The following THSD7A variants were observed in gnomAD, a reference collection of about 807,000 sequenced individuals.
The protein encoded by THSD7A is thrombospondin type-1 domain-containing protein 7A.
A neutral mutation model predicts 231.3 loss-of-function variants in THSD7A; 96 were observed. The observed-to-expected ratio is 0.41, with a 90% CI of 0.35 to 0.49. The LOEUF (loss-of-function observed/expected upper bound fraction) is 0.49. Among genes scored for constraint, THSD7A ranks in the 20% least tolerant of loss-of-function variants. The pLI is 0.05. For synonymous variants in THSD7A, 940 were observed against 743.3 expected (o/e 1.26, Z -4.30); for missense variants, 2,290 against 2,070.2 (o/e 1.11, Z -2.06).
intron 23 of THSD7A, among the ~76,000 whole-genome samples, chr7:11,399,941 G>GA (rs747706170): frequency 9.7e-4 from 147 of 152,200 alleles, no homozygotes; most frequent in Non-Finnish European, 1.8e-3. Flanking sequence ...ACTGGATTAA[G>GA]AAAATGTGGC....
intron 4 of THSD7A, among the ~76,000 whole-genome samples, chr7:11,547,785 G>T (rs1236980188): frequency 8.5e-5 from 13 of 152,118 alleles, no homozygotes. Context: ...ATGAGATTTA[G>T]GCACAAATAA....
chr7:11,475,938 T>C (rs1583813263), intron 7 of THSD7A, among the ~76,000 whole-genome samples: 1 of 143,844 alleles, frequency 7.0e-6, no homozygotes, highest in East Asian at 2.0e-4. Flanking sequence ...TACTTTCCTT[T>C]TTTTTTTTTT....
chr7:11,631,905 A>C (rs556874101), intron 2 of THSD7A, among the ~76,000 whole-genome samples: 1 of 152,160 alleles, frequency 6.6e-6, no homozygotes, highest in African/African-American at 2.4e-5. Flanking sequence ...TTTAACACTC[A>C]TAAGAGTTAG....
At chr7:11,442,294 TAAAA>T (rs369760494) in intron 13 of THSD7A, among the ~76,000 whole-genome samples, 1 of 151,626 alleles carries the variant, frequency 6.6e-6, no homozygotes, top group Non-Finnish European at 1.5e-5. Flanking sequence ...TTAAGAAACT[TAAAA>T]AAAAGTGACC....
At chr7:11,820,715 T>C in intron 1 of THSD7A, 2 of 1,001,588 alleles carry the variant, frequency 2.0e-6, no homozygotes, top group Non-Finnish European at 1.6e-6. Context: ...CGTGGAGCTC[T>C]CCTCTCTTTT....
At chr7:11,739,827 T>G (rs951027769) in intron 1 of THSD7A, among the ~76,000 whole-genome samples, 3 of 151,902 alleles carry the variant, frequency 2.0e-5, no homozygotes, top group African/African-American at 7.2e-5. Context: ...GACCAAAGCT[T>G]ATGTGCTTCT....
At chr7:11,477,088 A>G (rs1181415031) in intron 7 of THSD7A, among the ~76,000 whole-genome samples, 2 of 152,180 alleles carry the variant, frequency 1.3e-5, no homozygotes, top group Non-Finnish European at 2.9e-5. Flanking sequence ...AGTTATGACC[A>G]TTGAATCCTC....
At chr7:11,467,098 A>G (rs541454315) in intron 9 of THSD7A, among the ~76,000 whole-genome samples, 1 of 152,188 alleles carries the variant, frequency 6.6e-6, no homozygotes, top group African/African-American at 2.4e-5. Context: ...TCTTCTGGGA[A>G]AGTTTCCTTC....
chr7:11,432,866 T>G (rs1318240385), intron 13 of THSD7A, among the ~76,000 whole-genome samples: 1 of 150,674 alleles, frequency 6.6e-6, no homozygotes, highest in Non-Finnish European at 1.5e-5. Flanking sequence ...GTATGTATAT[T>G]ATATTATCCA....
chr7:11,478,494 G>A (rs527904363), intron 7 of THSD7A, among the ~76,000 whole-genome samples: 22 of 152,194 alleles, frequency 1.4e-4, no homozygotes, highest in African/African-American at 4.1e-4. Flanking sequence ...CCTATCTGCT[G>A]GCACAGATGC....
intron 1 of THSD7A, among the ~76,000 whole-genome samples, chr7:11,813,914 G>A (rs936337482): frequency 6.6e-6 from 1 of 151,984 alleles, no homozygotes; most frequent in Non-Finnish European, 1.5e-5. Context: ...ATAGCCAAAA[G>A]GTAGGAACAA....
At chr7:11,760,551 G>A (rs1193605439) in intron 1 of THSD7A, among the ~76,000 whole-genome samples, 1 of 152,016 alleles carries the variant, frequency 6.6e-6, no homozygotes, top group Non-Finnish European at 1.5e-5. Flanking sequence ...TGTTCGCTGA[G>A]CTTCCAGGAA....
intron 11 of THSD7A, among the ~76,000 whole-genome samples, chr7:11,456,427 T>C (rs1014529811): frequency 6.6e-6 from 1 of 152,078 alleles, no homozygotes; most frequent in Non-Finnish European, 1.5e-5. Context: ...ATTTTACTAT[T>C]GTCCCAGTCT....
chr7:11,419,051 G>T (rs1436328007), intron 16 of THSD7A, among the ~76,000 whole-genome samples: 2 of 152,108 alleles, frequency 1.3e-5, no homozygotes, highest in Non-Finnish European at 2.9e-5. Context: ...CTCAAAAGTT[G>T]CATTTGCTCC....
At chr7:11,407,158 C>A in intron 20 of THSD7A, 103 bp from the exon 21 acceptor site, 1 of 1,502,624 alleles carries the variant, frequency 6.7e-7, no homozygotes, top group South Asian at 1.2e-5. Flanking sequence ...TGAGGCAATC[C>A]AGGAACAAGT....
chr7:11,409,728 A>G (rs950790296), intron 19 of THSD7A, among the ~76,000 whole-genome samples: 2 of 151,974 alleles, frequency 1.3e-5, no homozygotes, highest in East Asian at 1.9e-4. Flanking sequence ...TATGACCATT[A>G]TCTTCATTAA....
chr7:11,575,733 C>G (rs1009745571), intron 4 of THSD7A, among the ~76,000 whole-genome samples: 4 of 152,184 alleles, frequency 2.6e-5, no homozygotes, highest in Non-Finnish European at 5.9e-5. Flanking sequence ...TTAGTGAGAC[C>G]TATAAATCTG....
At chr7:11,753,112 G>T (rs562429513) in intron 1 of THSD7A, among the ~76,000 whole-genome samples, 33 of 152,180 alleles carry the variant, frequency 2.2e-4, no homozygotes, top group African/African-American at 7.0e-4. Context: ...TGGCTTTATA[G>T]CATGTGTATA....
rs1419753425 is a variant in THSD7A, at chr7:11,697,528, C to G, written c.191-60567G>C. Among the ~76,000 whole-genome samples, 3 of 150,990 alleles carry G rather than the reference C, an allele frequency of 2.0e-5. No homozygotes were observed. In the Admixed American group the frequency reaches 2.0e-4, roughly 10 times the overall value. On this transcript the variant is annotated intron_variant, in intron 1 of 27. Transcript: ENST00000423059. Reference sequence around the variant, plus strand: ...AATATTTCTTGAATGAGTATCAAGACAAATATGAGAGATTATATTGATAAA... The same window carrying G: ...AATATTTCTTGAATGAGTATCAAGAGAAATATGAGAGATTATATTGATAAA...
Sources: allele counts gnomAD v4.1 joint callset (sites outside exome capture counted in the v4.1 genomes callset), GRCh38; gene constraint gnomAD v4.1.1; transcripts MANE v1.5; gene names NCBI Gene and HGNC (gene_info 2026-07-23, HGNC 2026-07-21).